Variants in PGRMC2 observed in about 807,000 individuals in gnomAD.
The protein encoded by PGRMC2 is membrane-associated progesterone receptor component 2.
PGRMC2 carries 9 observed loss-of-function variants against 19.3 expected under a neutral mutation model. The observed-to-expected ratio is 0.47, with a 90% CI of 0.28 to 0.81. PGRMC2 has a LOEUF of 0.81. Ranked by LOEUF, PGRMC2 falls within the 40% of genes least tolerant of loss-of-function variation. PGRMC2 has a pLI of 0.11. For synonymous variants in PGRMC2, 157 were observed against 124.6 expected, an observed-to-expected ratio of 1.26 and a Z score of -1.73; for missense variants, 289 against 297.3, an observed-to-expected ratio of 0.97 and a Z score of 0.21.
chr4:128,271,522 T>A, intron 2 of PGRMC2, 109 bp from the exon 3 acceptor site: 1 of 573,008 alleles, frequency 1.7e-6, no homozygotes, highest in Non-Finnish European at 3.1e-6. Flanking sequence ...ATATGATTAT[T>A]AGAATATTAT....
intron 1 of PGRMC2, among the ~76,000 whole-genome samples, chr4:128,283,190 T>C (rs995257815): frequency 3.3e-5 from 5 of 152,262 alleles, no homozygotes; most frequent in Non-Finnish European, 5.9e-5. Context: ...TCAAAACTTA[T>C]GATTCTGTAA....
In PGRMC2 at chr4:128,287,409, A is replaced by G; in HGVS notation, c.382T>C (p.Phe128Leu). 1 of 1,611,462 alleles carries G rather than the reference A, an allele frequency of 6.2e-7. No individual in the cohort carries two copies. Among genetic ancestry groups the G allele is most frequent in the South Asian group, 1.1e-5 (1 of 90,990 alleles). The change falls in exon 1 of 3, where the codon TTC becomes CTC. Residue 128 changes from phenylalanine to leucine, a missense_variant. Physicochemically the swap from Phe to Leu is conservative, Grantham distance 22. Transcript: ENST00000296425. ...AACTTGCTGCCTTTGGTCACGTCGA[A>G]GACTTTCCCATTGACCGCGAGCAGG... The part of the protein sequence containing the change: ...RILLAVNGKV[F>L]DVTKGSKFYG...
chr4:128,285,260 G>A (rs1185058075), intron 1 of PGRMC2, among the ~76,000 whole-genome samples: 1 of 152,118 alleles, frequency 6.6e-6, no homozygotes, highest in Non-Finnish European at 1.5e-5. Context: ...CCGAGTAGCT[G>A]GGATTACAGG....
chr4:128,272,371 G>T lies in PGRMC2; in HGVS notation c.565C>A (p.Gln189Lys). The change falls in exon 2 of 3, where the codon CAG becomes AAG. Residue 189 changes from glutamine to lysine, a missense_variant. By Grantham distance (53) the Gln-to-Lys change is moderately conservative. Transcript: ENST00000296425. ...QMESVREWEM[Q>K]FKEKYDYVGR... ...AACAAAATAAAAATACCTTTAAACT[G>T]CATTTCCCATTCTCGAACACTCTCC... The T allele has an allele frequency of 6.7e-7, 1 of 1,501,304 alleles. No homozygotes were observed. The highest frequency in any genetic ancestry group is 8.9e-7 in the Non-Finnish European group (1 of 1,127,334). The allele number at this position is 1,501,304 out of a possible 1,614,324, so 93.0% of individuals were successfully genotyped here.
chr4:128,278,928 G>C (rs763486415), intron 1 of PGRMC2, among the ~76,000 whole-genome samples: 64 of 152,202 alleles, frequency 4.2e-4, no homozygotes, highest in Non-Finnish European at 3.8e-4. Context: ...CTGCAGCAGG[G>C]CTGGGCGCAG....
chr4:128,286,781 T>C (rs1760989098), intron 1 of PGRMC2: 2 of 397,238 alleles, frequency 5.0e-6, no homozygotes, highest in Non-Finnish European at 4.4e-6. Context: ...GTGTTGCTTA[T>C]ACGTCTGGAC....
intron 1 of PGRMC2, among the ~76,000 whole-genome samples, chr4:128,274,112 T>C (rs1249041969): frequency 6.6e-6 from 1 of 152,248 alleles, no homozygotes; most frequent in Non-Finnish European, 1.5e-5. Context: ...CTTATTAACA[T>C]AGGCTACCAT....
At position 128,287,482 on chromosome 4, in the gene PGRMC2, G is replaced by T; in HGVS notation, c.309C>A (p.Phe103Leu). Reference sequence around the variant, plus strand: ...CGTACTGGCGCAGCTGCTCCAAGCTGAAGTCCCGCTTCTTCATGCGAGGCA... The same window carrying T: ...CGTACTGGCGCAGCTGCTCCAAGCTTAAGTCCCGCTTCTTCATGCGAGGCA... ...TSLPRMKKRD[F>L]SLEQLRQYDG... The change falls in exon 1 of 3, where the codon TTC becomes TTA. Residue 103 changes from phenylalanine to leucine, a missense_variant. By Grantham distance (22) the Phe-to-Leu change is conservative. Coordinates refer to ENST00000296425, the MANE Select transcript of PGRMC2 (RefSeq NM_006320.6). 11 of 1,613,748 alleles carry T rather than the reference G, an allele frequency of 6.8e-6. No homozygotes were observed. The Middle Eastern group carries it at 6.6e-4, about 97-fold the overall frequency.
Position 128,271,401 on chromosome 4 carries a change from T to A in PGRMC2, c.587A>T (p.Tyr196Phe). 1 of 1,584,686 alleles carries A rather than the reference T, an allele frequency of 6.3e-7. No homozygotes were observed. The highest frequency in any genetic ancestry group is 8.7e-7 in the Non-Finnish European group (1 of 1,154,232). The part of the protein sequence containing the change: ...WEMQFKEKYD[Y>F]VGRLLKPGEE... ...TCCTGGTTTTAGGAGTCTGCCTACATAATCATATTTTTCTGAAAGATACAT... is the reference window on the plus strand; with the variant it reads ...TCCTGGTTTTAGGAGTCTGCCTACAAAATCATATTTTTCTGAAAGATACAT... The change falls in exon 3 of 3, where the codon TAT becomes TTT. Residue 196 changes from tyrosine to phenylalanine, a missense_variant. Coordinates refer to ENST00000296425, the MANE Select transcript of PGRMC2 (RefSeq NM_006320.6).
Position 128,269,552 on chromosome 4 carries a change from G to A in PGRMC2, c.*1764C>T, listed in dbSNP as rs1049960713. ...GATAACTTTCTACAAAACACTCCAA[G>A]ACTGAATAGAATGTAGTATTTTACA... is the stretch of plus-strand genomic sequence containing the variant. On this transcript the variant is annotated 3_prime_UTR_variant, in exon 3 of 3. Transcript: ENST00000296425. 6.6e-5 allele frequency: 10 copies of A among 152,074 alleles called. No homozygotes were observed. Among genetic ancestry groups the A allele is most frequent in the Non-Finnish European group, 1.0e-4 (7 of 68,020 alleles). 9.4% of individuals were successfully genotyped at this position (152,074 alleles called of 1,614,324 possible). A position where few individuals can be genotyped will look rare whatever the true frequency, so the allele number is the denominator to read the frequency against.
intron 1 of PGRMC2, among the ~76,000 whole-genome samples, chr4:128,280,972 C>A (rs1039378425): frequency 5.9e-5 from 9 of 151,858 alleles, no homozygotes; most frequent in African/African-American, 1.2e-4. Flanking sequence ...TTTTTCCTGC[C>A]AGTGAAAAAC....
chr4:128,286,776 G>A (rs1342502601), intron 1 of PGRMC2: 1 of 397,026 alleles, frequency 2.5e-6, no homozygotes, highest in Admixed American at 4.4e-5. Context: ...CCGAGGTGTT[G>A]CTTATACGTC....
At chr4:128,283,780 C>T (rs1435174823) in intron 1 of PGRMC2, among the ~76,000 whole-genome samples, 1 of 151,946 alleles carries the variant, frequency 6.6e-6, no homozygotes, top group Non-Finnish European at 1.5e-5. Context: ...GCCTCAGCCT[C>T]CCCAGTAGCT....
intron 1 of PGRMC2, among the ~76,000 whole-genome samples, chr4:128,286,406 C>G (rs781666294): frequency 6.6e-6 from 1 of 152,094 alleles, no homozygotes; most frequent in Admixed American, 6.5e-5. Context: ...AAAAGGGCGT[C>G]TAAATCAACT....
At chr4:128,282,349 T>C (rs1760920675) in intron 1 of PGRMC2, among the ~76,000 whole-genome samples, 2 of 152,190 alleles carry the variant, frequency 1.3e-5, no homozygotes, top group Non-Finnish European at 2.9e-5. Context: ...TATGTCAGAG[T>C]GTTGAAAAAA....
At chr4:128,272,329 A>T in intron 2 of PGRMC2, 33 bp downstream of exon 2, 1 of 1,334,646 alleles carries the variant, frequency 7.5e-7, no homozygotes, top group Middle Eastern at 2.0e-4. Flanking sequence ...ACAAATATTT[A>T]ATTTTCCAAA....
chr4:128,272,567 T>G, intron 1 of PGRMC2, 50 bp from the exon 2 acceptor site: 1 of 960,554 alleles, frequency 1.0e-6, no homozygotes, highest in Non-Finnish European at 1.4e-6. Flanking sequence ...TATTTTAGAA[T>G]GTCTCAAAGG....
chr4:128,283,949 C>T (rs1465116922), intron 1 of PGRMC2, among the ~76,000 whole-genome samples: 3 of 151,266 alleles, frequency 2.0e-5, no homozygotes, highest in Admixed American at 6.6e-5. Context: ...CATGAGCCAC[C>T]GTGCCTGGCC....
intron 1 of PGRMC2, among the ~76,000 whole-genome samples, chr4:128,280,682 TGATCTTC>T (rs1258416988): frequency 6.6e-6 from 1 of 152,108 alleles, no homozygotes; most frequent in Non-Finnish European, 1.5e-5. Flanking sequence ...CAAGGCTCAT[TGATCTTC>T]TGGGCTCAAG....
Sources: allele counts gnomAD v4.1 joint callset (sites outside exome capture counted in the v4.1 genomes callset), GRCh38; gene constraint gnomAD v4.1.1; transcripts MANE v1.5; gene names NCBI Gene and HGNC (gene_info 2026-07-23, HGNC 2026-07-21).